Variants in CLVS1 observed in about 807,000 individuals in gnomAD.
CLVS1 encodes clavesin 1.
CLVS1 carries 10 observed loss-of-function variants against 33.1 expected under a neutral mutation model. That is an observed-to-expected ratio of 0.30 (90% CI 0.19 to 0.51). CLVS1 has a LOEUF of 0.51. CLVS1 is among the 20% of genes least tolerant of loss of function. The pLI is 0.97. For missense variants in CLVS1, 343 were observed against 433.4 expected, an observed-to-expected ratio of 0.79 and a Z score of 1.85; for synonymous variants, 163 against 166.1, an observed-to-expected ratio of 0.98 and a Z score of 0.14.
chr8:61,459,339 G>A (rs1023517152), intron 5 of CLVS1, among the ~76,000 whole-genome samples: 5 of 152,106 alleles, frequency 3.3e-5, no homozygotes, highest in African/African-American at 1.2e-4. Flanking sequence ...ATTAAAACCT[G>A]ATTTTTAAAA....
At chr8:61,311,143 G>A (rs1258949824) in intron 2 of CLVS1, among the ~76,000 whole-genome samples, 1 of 152,160 alleles carries the variant, frequency 6.6e-6, no homozygotes, top group East Asian at 1.9e-4. Context: ...GTAAAGAGCT[G>A]ATAAAATACA....
At chr8:61,456,763 A>G (rs187172858) in intron 4 of CLVS1, among the ~76,000 whole-genome samples, 104 of 151,754 alleles carry the variant, frequency 6.9e-4, no homozygotes, top group African/African-American at 2.5e-3. Context: ...AAAAAATACA[A>G]AAAAATTAGC....
intron 5 of CLVS1, among the ~76,000 whole-genome samples, chr8:61,496,831 A>T (rs73259370): frequency 0.016 from 2,507 of 152,306 alleles, 67 homozygotes; most frequent in African/African-American, 0.057. Flanking sequence ...TGTTTTAGCT[A>T]AACGCTTCTG....
chr8:61,400,148 G>A (rs1054735636), intron 3 of CLVS1, among the ~76,000 whole-genome samples: 1 of 152,106 alleles, frequency 6.6e-6, no homozygotes, highest in South Asian at 2.1e-4. Context: ...TCACAATATT[G>A]ATTCTTTCTA....
At position 61,446,801 on chromosome 8, in the gene CLVS1, C is replaced by T. The variant is rs77388771; in HGVS notation, c.631-7340C>T. On this transcript the variant is annotated intron_variant, in intron 3 of 5. Coordinates refer to ENST00000325897, the MANE Select transcript of CLVS1 (RefSeq NM_173519.3). ...GCTTTACTTTCATTTTCATTCAGTTCCATGTATTTTAAAATTTCTTTTGAA... is the reference window on the plus strand; with the variant it reads ...GCTTTACTTTCATTTTCATTCAGTTTCATGTATTTTAAAATTTCTTTTGAA... 2.5e-3 allele frequency among the ~76,000 whole-genome samples: 373 copies of T among 151,524 alleles called. 11 individuals are homozygous for T. The East Asian group carries it at 0.066, about 27-fold the overall frequency.
At chr8:61,154,436 A>G (rs1228868989) in intron 2 of CLVS1, among the ~76,000 whole-genome samples, 1 of 152,214 alleles carries the variant, frequency 6.6e-6, no homozygotes, top group East Asian at 1.9e-4. Flanking sequence ...CAAGCTTATG[A>G]AGGCAGTATA....
intron 2 of CLVS1, among the ~76,000 whole-genome samples, chr8:61,175,042 G>C (rs1182719612): frequency 1.3e-5 from 2 of 152,254 alleles, no homozygotes; most frequent in East Asian, 3.9e-4. Context: ...AGGATGTTGA[G>C]GTCTAATAGT....
chr8:61,357,350 A>G (rs1812757282), intron 2 of CLVS1, among the ~76,000 whole-genome samples: 4 of 152,090 alleles, frequency 2.6e-5, no homozygotes, highest in Admixed American at 2.6e-4. Context: ...TGATGCATAC[A>G]TATGCATAGA....
chr8:61,080,844 G>A (rs1393491216), intron 1 of CLVS1, among the ~76,000 whole-genome samples: 1 of 152,194 alleles, frequency 6.6e-6, no homozygotes, highest in Non-Finnish European at 1.5e-5. Context: ...AAAGGAGAGA[G>A]GAAGTGAGCC....
intron 2 of CLVS1, among the ~76,000 whole-genome samples, chr8:61,239,371 T>C (rs957820977): frequency 6.6e-6 from 1 of 152,218 alleles, no homozygotes; most frequent in African/African-American, 2.4e-5. Flanking sequence ...TTGTTGTGCT[T>C]AGAAAGCCAC....
intron 2 of CLVS1, among the ~76,000 whole-genome samples, chr8:61,367,179 A>C (rs770534793): frequency 1.3e-5 from 2 of 152,156 alleles, no homozygotes; most frequent in African/African-American, 4.8e-5. Flanking sequence ...CCTTTGATGC[A>C]CATAGTTCCT....
intron 2 of CLVS1, among the ~76,000 whole-genome samples, chr8:61,269,793 T>A (rs1356828254): frequency 6.7e-6 from 1 of 149,998 alleles, no homozygotes; most frequent in Non-Finnish European, 1.5e-5. Flanking sequence ...TGAATGGGAG[T>A]TCACTCATGA....
chr8:61,478,136 T>G (rs531855757), intron 5 of CLVS1, among the ~76,000 whole-genome samples: 417 of 152,292 alleles, frequency 2.7e-3, no homozygotes, highest in Admixed American at 5.6e-3. Flanking sequence ...TTTGAGTGAG[T>G]TTCTTAATCC....
At chr8:61,324,352 AT>A (rs139469345) in intron 2 of CLVS1, among the ~76,000 whole-genome samples, 57,953 of 151,748 alleles carry the variant, frequency 0.38, 13,626 homozygotes, top group East Asian at 0.64. Context: ...CATCCTTCTC[AT>A]TTTCTCTTGC....
intron 2 of CLVS1, among the ~76,000 whole-genome samples, chr8:61,355,952 T>C (rs1447534511): frequency 6.6e-6 from 1 of 152,230 alleles, no homozygotes; most frequent in Non-Finnish European, 1.5e-5. Context: ...CTGAGTCAAA[T>C]GGTATTTCTA....
In CLVS1 at chr8:61,207,013, C is replaced by G. The variant is rs146033085; in HGVS notation, c.-152+75153C>G. Among the ~76,000 whole-genome samples, 8 of 152,326 alleles carry G rather than the reference C, an allele frequency of 5.3e-5. No individual in the cohort carries two copies. The East Asian group carries it at 1.2e-3, about 22-fold the overall frequency. On this transcript the variant is annotated intron_variant, in intron 2 of 2. Coordinates refer to the CLVS1 transcript ENST00000522621. ...TTCTAACACAAGGCCTGGCCCATCT[C>G]TATCAGTCAGGAGACATTTGATGAA...
At position 61,300,223 on chromosome 8, in the gene CLVS1, C is replaced by T; in HGVS notation, c.396C>T (p.Asn132=). The T allele has an allele frequency of 6.2e-7, 1 of 1,613,960 alleles. No individual in the cohort carries two copies. The highest frequency in any genetic ancestry group is 8.5e-7 in the Non-Finnish European group (1 of 1,179,950). The change falls in exon 2 of 6, where the codon AAC becomes AAT. Residue 132 remains asparagine (N), a synonymous_variant. Transcript: ENST00000325897. ...LIDGFPGVLE[N]RDHYGRKILL... ...ATGGGTTCCCCGGGGTGCTGGAAAA[C>T]CGAGACCATTACGGCAGGAAGATTC...
chr8:61,304,821 AG>A (rs990446932), intron 2 of CLVS1, among the ~76,000 whole-genome samples: 19 of 152,310 alleles, frequency 1.2e-4, no homozygotes, highest in African/African-American at 2.4e-4. Flanking sequence ...AAGGAAAAAA[AG>A]GTTAAAATTG....
chr8:61,294,004 A>G (rs532344608), intron 1 of CLVS1, among the ~76,000 whole-genome samples: 8 of 152,288 alleles, frequency 5.3e-5, no homozygotes, highest in African/African-American at 1.9e-4. Flanking sequence ...ATGTTCTTAT[A>G]TTTCAAATAA....
Sources: allele counts gnomAD v4.1 joint callset (sites outside exome capture counted in the v4.1 genomes callset), GRCh38; gene constraint gnomAD v4.1.1; transcripts MANE v1.5; gene names NCBI Gene and HGNC (gene_info 2026-07-23, HGNC 2026-07-21).